Variants in ITGA10 observed in about 807,000 individuals in gnomAD.
ITGA10 encodes the protein integrin subunit alpha 10.
In ITGA10, 105 loss-of-function variants were observed where a neutral mutation model predicts 145.2. The ratio of observed to expected loss-of-function variants is 0.72; its 90% CI spans 0.62 to 0.85. The LOEUF (loss-of-function observed/expected upper bound fraction) is 0.85. Among genes scored for constraint, ITGA10 ranks in the 40% least tolerant of loss-of-function variants. The pLI, the probability that ITGA10 is intolerant of heterozygous loss-of-function variation, is 0.00. For missense variants in ITGA10, 1,317 were observed against 1,444.5 expected (o/e 0.91, Z 1.43); for synonymous variants, 506 against 557.8 (o/e 0.91, Z 1.31).
chr1:145,900,559 G>A (rs1207908505), intron 14 of ITGA10, among the ~76,000 whole-genome samples: 3 of 152,000 alleles, frequency 2.0e-5, no homozygotes, highest in African/African-American at 4.8e-5. Context: ...CACCACACCC[G>A]GCCATGCCTT....
Position 145,910,005 on chromosome 1 carries a change from G to T in ITGA10, c.10C>A (p.Pro4Thr), listed in dbSNP as rs1553752693. Residue 4 changes from proline (P) to threonine (T), a missense_variant, in exon 1 of 30, where the codon CCC (proline) becomes ACC (threonine). Coordinates refer to ENST00000369304, the MANE Select transcript of ITGA10 (RefSeq NM_003637.5). ...GGCAAGAACAGGTGAGTGACGAAGG[G>T]GAGTTCCATGCCTGATCGGTTTCTG... MELPFVTHLFLPLV... is the reference protein window; with the variant it reads MELTFVTHLFLPLV... The T allele has an allele frequency of 6.2e-7, 1 of 1,613,164 alleles. No individual in the cohort carries two copies. The highest frequency in any genetic ancestry group is 8.5e-7 in the Non-Finnish European group (1 of 1,179,376).
At chr1:145,897,969 G>T in intron 18 of ITGA10, 69 bp from the exon 19 acceptor site, 1 of 1,417,538 alleles carries the variant, frequency 7.1e-7, no homozygotes, top group Non-Finnish European at 1.0e-6. Flanking sequence ...TAGGGGGAAA[G>T]TGAAAAGACA....
chr1:145,907,554 C>T (rs1218347304), intron 1 of ITGA10, 89 bp from the exon 2 acceptor site: 12 of 1,566,534 alleles, frequency 7.7e-6, no homozygotes, highest in Non-Finnish European at 1.0e-5. Context: ...GTCTTAATCT[C>T]AGTCTGCCTG....
Position 145,897,060 on chromosome 1 carries a change from T to C in ITGA10, c.2695A>G (p.Ser899Gly). Residue 899 changes from serine to glycine, a missense_variant, in exon 22 of 30, where the codon AGC (serine) becomes GGC (glycine). Transcript: ENST00000369304. Reference protein sequence around the residue: ...KVTFLLEFEFSCSSLLSQVFV... With the variant: ...KVTFLLEFEFGCSSLLSQVFV... ...ACCTGGCTCAGGAGAGAGGAGCAGC[T>C]AAACTCAAACTCTAGCAGAAAGGTC... is the stretch of plus-strand genomic sequence containing the variant. 2 of 1,613,968 alleles carry C rather than the reference T, an allele frequency of 1.2e-6. No individual in the cohort carries two copies. Among genetic ancestry groups the C allele is most frequent in the South Asian group, 2.2e-5 (2 of 91,070 alleles).
Position 145,895,947 on chromosome 1 carries a change from G to A in ITGA10, c.3033+36C>T, listed in dbSNP as rs587609857. 5 of 1,503,480 alleles carry A rather than the reference G, an allele frequency of 3.3e-6. No homozygotes were observed. In the South Asian group the frequency reaches 3.4e-5, roughly 10 times the overall value. 93.1% of individuals were successfully genotyped at this position (1,503,480 alleles called of 1,614,324 possible). A position where few individuals can be genotyped will look rare whatever the true frequency, so the allele number is the denominator to read the frequency against. ...GCTTCAGTGAGTCCACCAGCTCAAG[G>A]TGGCAGGATTCCATGCCCTCCTAGA... On this transcript the variant is annotated intron_variant, in intron 25 of 29. Transcript: ENST00000369304.
intron 7 of ITGA10, among the ~76,000 whole-genome samples, chr1:145,903,361 C>T (rs1656656674): frequency 6.6e-6 from 1 of 152,010 alleles, no homozygotes; most frequent in Non-Finnish European, 1.5e-5. Context: ...ACCACCGTGC[C>T]CCTAGAGATG....
chr1:145,902,049 T>A, intron 10 of ITGA10, 28 bp from the exon 11 acceptor site: 1 of 1,611,816 alleles, frequency 6.2e-7, no homozygotes, highest in African/African-American at 1.3e-5. Context: ...ATGGGGTCAC[T>A]GAGAAGACAG....
chr1:145,905,362 C>T (rs1328804317), intron 5 of ITGA10, among the ~76,000 whole-genome samples: 2 of 151,722 alleles, frequency 1.3e-5, no homozygotes, highest in South Asian at 2.1e-4. Flanking sequence ...TCACTGCAAG[C>T]TCTGCCTCCT....
chr1:145,902,407 C>G, intron 9 of ITGA10, 47 bp downstream of exon 9: 1 of 1,610,644 alleles, frequency 6.2e-7, no homozygotes, highest in Non-Finnish European at 8.5e-7. Flanking sequence ...CCCACCTACA[C>G]TCCAGAACTT....
At chr1:145,893,086 TTC>T (rs2101739713) in intron 29 of ITGA10, 73 bp downstream of exon 29, 1 of 1,185,812 alleles carries the variant, frequency 8.4e-7, no homozygotes, top group East Asian at 2.3e-5. Flanking sequence ...ACAAATCCTG[TTC>T]TCTCTGCTAT....
intron 28 of ITGA10, 88 bp downstream of exon 28, chr1:145,893,452 C>A (rs1263228766): frequency 6.5e-6 from 7 of 1,072,376 alleles, no homozygotes; most frequent in East Asian, 5.1e-5. Flanking sequence ...GATGGAGATG[C>A]CTTCGTTCTG....
rs782003765 is a variant in ITGA10 at position 145,901,515 on chromosome 1, C to A, written c.1443+1G>T. ...GTCCCACCCTTCCTTGGATGCCCTACCTGCTCCCCCTGGAGGCTCTGGGCA... is the reference window on the plus strand; with the variant it reads ...GTCCCACCCTTCCTTGGATGCCCTAACTGCTCCCCCTGGAGGCTCTGGGCA... On this transcript the variant is annotated splice_donor_variant, in intron 12 of 29. Coordinates refer to ENST00000369304, the MANE Select transcript of ITGA10 (RefSeq NM_003637.5). LOFTEE classifies it high-confidence loss of function. This position sits in a 1 kb window ranked among gnomAD's most constrained non-coding sequence, Gnocchi z 4.3. 1.3e-6 allele frequency: 2 copies of A among 1,561,808 alleles called. No homozygotes were observed. The highest frequency in any genetic ancestry group is 1.7e-6 in the Non-Finnish European group (2 of 1,157,702).
intron 29 of ITGA10, 28 bp downstream of exon 29, chr1:145,893,133 C>T: frequency 1.3e-6 from 2 of 1,504,102 alleles, no homozygotes; most frequent in Non-Finnish European, 1.9e-6. Flanking sequence ...GCATCATGCT[C>T]CACACTCCCC....
chr1:145,898,493 C>T (rs1398596002), intron 17 of ITGA10, among the ~76,000 whole-genome samples: 4 of 151,966 alleles, frequency 2.6e-5, no homozygotes, highest in Admixed American at 6.6e-5. Flanking sequence ...CTCAGCCTCC[C>T]GAGTAGCTGG....
chr1:145,900,849 G>C lies in ITGA10; in HGVS notation c.1732C>G (p.Gln578Glu), dbSNP rs1553747825. 2 of 1,613,978 alleles carry C rather than the reference G, an allele frequency of 1.2e-6. No individual in the cohort carries two copies. Among genetic ancestry groups the C allele is most frequent in the East Asian group, 4.5e-5 (2 of 44,900 alleles). ...AVGAPLEDGH[Q>E]GALYLYHGTQ... Reference sequence around the variant, plus strand: ...CCATGGTACAGGTACAGTGCTCCCTGGTGCCCATCTTCCAGAGGCGCCCCC... The same window carrying C: ...CCATGGTACAGGTACAGTGCTCCCTCGTGCCCATCTTCCAGAGGCGCCCCC... Residue 578 changes from glutamine to glutamate, a missense_variant, in exon 14 of 30, where the codon CAG (glutamine) becomes GAG (glutamate). Transcript: ENST00000369304.
Position 145,901,332 on chromosome 1 carries a change from C to T in ITGA10, c.1444-54G>A. 1.3e-6 allele frequency: 2 copies of T among 1,598,482 alleles called. No individual in the cohort carries two copies. Among genetic ancestry groups the T allele is most frequent in the Non-Finnish European group, 1.7e-6 (2 of 1,170,292 alleles). On this transcript the variant is annotated intron_variant, in intron 12 of 29. Coordinates refer to ENST00000369304, the MANE Select transcript of ITGA10 (RefSeq NM_003637.5). This position sits in a 1 kb window ranked among gnomAD's most constrained non-coding sequence, Gnocchi z 4.3. ...AGAGAAAAGGGAAGGTAACTGTAGA[C>T]AAGTGGACTCAGTGGGAAGCACTCA...
intron 23 of ITGA10, 28 bp from the exon 24 acceptor site, chr1:145,896,380 A>G (rs782501397): frequency 6.5e-7 from 1 of 1,546,340 alleles, no homozygotes; most frequent in Non-Finnish European, 8.9e-7. Context: ...CAGGAAGTAC[A>G]TGGTCACAGC....
intron 22 of ITGA10, 73 bp from the exon 23 acceptor site, chr1:145,896,931 AT>A: frequency 6.5e-7 from 1 of 1,531,980 alleles, no homozygotes; most frequent in Non-Finnish European, 9.0e-7. Flanking sequence ...TAATAGAGGA[AT>A]CAATGTTGTT....
Position 145,904,174 on chromosome 1 carries a change from G to GCT in ITGA10, c.634_635dup (p.Ser212ArgfsTer19). The GCT allele has an allele frequency of 6.2e-7, 1 of 1,614,068 alleles. No individual in the cohort carries two copies. The highest frequency in any genetic ancestry group is 1.3e-5 in the African/African-American group (1 of 75,008). On this transcript the variant is annotated frameshift_variant, in exon 7 of 30. Transcript: ENST00000369304. LOFTEE classifies it high-confidence loss of function. ...CTCCCAGGGACCACTCATGTACAGG[G>GCT]CTCTCCCCATACTGTACCAGTCCCA...
Sources: gnomAD v4.1 joint callset for allele counts (sites outside exome capture counted in the v4.1 genomes callset) on GRCh38, gnomAD v4.1.1 for gene constraint, Gnocchi (gnomAD v3.1) non-coding constraint, MANE v1.5 for transcripts, NCBI Gene and HGNC (gene_info 2026-07-23, HGNC 2026-07-21) for gene names.